The following TTC12 variants were observed in gnomAD, a reference collection of about 807,000 sequenced individuals.
The protein encoded by TTC12 is tetratricopeptide repeat protein 12.
Under a neutral mutation model 90.1 loss-of-function variants are expected in TTC12, and 70 were observed. The ratio of observed to expected loss-of-function variants is 0.78; its 90% confidence interval spans 0.64 to 0.95. TTC12 has a LOEUF of 0.95. Among genes scored for constraint, TTC12 ranks in the 40% least tolerant of loss-of-function variants. The pLI, the probability that TTC12 is intolerant of heterozygous loss-of-function variation, is 0.00. For synonymous variants in TTC12, 296 were observed against 311.5 expected (o/e 0.95, Z 0.53); for missense variants, 819 against 846.1 (o/e 0.97, Z 0.40).
intron 19 of TTC12, 79 bp from the exon 20 acceptor site, chr11:113,363,746 TATA>T (rs1447438519): frequency 8.5e-6 from 8 of 937,918 alleles, no homozygotes; most frequent in African/African-American, 1.6e-5. Flanking sequence ...CCACTAGCGC[TATA>T]ATAACTGCTT....
At chr11:113,319,752 A>T (rs956160712) in intron 2 of TTC12, among the ~76,000 whole-genome samples, 6 of 152,080 alleles carry the variant, frequency 3.9e-5, no homozygotes, top group Non-Finnish European at 8.8e-5. Context: ...TAATCAATGC[A>T]TGGAGGTTTT....
intron 8 of TTC12, among the ~76,000 whole-genome samples, chr11:113,337,130 T>G (rs1948415229): frequency 1.3e-5 from 2 of 152,232 alleles, no homozygotes; most frequent in African/African-American, 4.8e-5. Flanking sequence ...AAAGAAAATG[T>G]TAATCTTTCC....
At chr11:113,323,484 C>G in intron 3 of TTC12, 33 bp downstream of exon 3, 1 of 1,480,966 alleles carries the variant, frequency 6.8e-7, no homozygotes, top group South Asian at 1.5e-5. Context: ...TATATAAGTA[C>G]TTACAGTGAG....
chr11:113,372,146 C>T (rs988376602), intron 21 of TTC12, among the ~76,000 whole-genome samples: 9 of 152,178 alleles, frequency 5.9e-5, no homozygotes, highest in Admixed American at 1.3e-4. Flanking sequence ...CCGAGAGAAT[C>T]TAGATGGAAC....
rs748942612 is a variant in TTC12, at chr11:113,364,941, C to G, written c.1923C>G (p.Ser641=). The change falls in exon 21 of 22, where the codon TCC becomes TCG. Residue 641 remains serine, a synonymous_variant. Coordinates refer to ENST00000529221, the MANE Select transcript of TTC12 (RefSeq NM_017868.4). The part of the protein sequence containing the change: ...NCMEVPNVAS[S]LLKTDLLQVL... ...TGGAGGTGCCCAACGTTGCGTCTTC[C>G]CTGCTAAAGACGGACCTTTTGCAGG... 1 of 1,614,186 alleles carries G rather than the reference C, an allele frequency of 6.2e-7. No homozygotes were observed. The highest frequency in any genetic ancestry group is 1.7e-5 in the Admixed American group (1 of 60,028).
At position 113,357,925 on chromosome 11, in the gene TTC12, A is replaced by G. The variant is rs758468470; in HGVS notation, c.1447-1438A>G. ...CTTGTTCACTCATGCCAACAGCAGC[A>G]GAAGACCTGTGGCAGAGTGCTAGCA... On this transcript the variant is annotated intron_variant, in intron 16 of 21. Transcript: ENST00000529221. Among the ~76,000 whole-genome samples, 183 of 152,238 alleles carry G rather than the reference A, an allele frequency of 1.2e-3. 2 individuals carry two copies. Among genetic ancestry groups the G allele is most frequent in the Non-Finnish European group, 1.0e-3 (68 of 68,034 alleles).
chr11:113,331,593 G>T (rs892922234), intron 7 of TTC12, among the ~76,000 whole-genome samples: 1 of 152,188 alleles, frequency 6.6e-6, no homozygotes, highest in East Asian at 1.9e-4. Context: ...GGGTGTGGAT[G>T]TCATTCCCTT....
intron 15 of TTC12, among the ~76,000 whole-genome samples, chr11:113,351,706 T>A (rs968096034): frequency 3.9e-5 from 6 of 151,940 alleles, no homozygotes; most frequent in Non-Finnish European, 5.9e-5. Flanking sequence ...CCTTGGAGAG[T>A]GTGTTGCAAC....
At chr11:113,331,624 C>T (rs1393455200) in intron 7 of TTC12, among the ~76,000 whole-genome samples, 5 of 152,238 alleles carry the variant, frequency 3.3e-5, no homozygotes, top group African/African-American at 4.8e-5. Flanking sequence ...AACACGATCT[C>T]CTCACAGGTT....
chr11:113,351,676 G>C (rs960960064), intron 15 of TTC12, among the ~76,000 whole-genome samples: 1 of 152,250 alleles, frequency 6.6e-6, no homozygotes, highest in Non-Finnish European at 1.5e-5. Context: ...GCAGTGAATA[G>C]TGTGGGGGGC....
chr11:113,351,608 A>T (rs781963704), intron 15 of TTC12, among the ~76,000 whole-genome samples: 2 of 152,190 alleles, frequency 1.3e-5, no homozygotes, highest in Non-Finnish European at 2.9e-5. Context: ...GTGCAACCCT[A>T]TTCCCAGATG....
intron 11 of TTC12, chr11:113,341,609 C>T: frequency 3.7e-6 from 2 of 538,476 alleles, no homozygotes; most frequent in East Asian, 6.8e-5. Flanking sequence ...CGCCCATGGC[C>T]CTGGCTCACT....
At chr11:113,366,137 G>T in intron 21 of TTC12, 88 bp from the exon 22 acceptor site, 2 of 1,430,944 alleles carry the variant, frequency 1.4e-6, no homozygotes, top group Non-Finnish European at 1.9e-6. Flanking sequence ...TTCTCAGCCA[G>T]CTTCCATCTG....
At chr11:113,348,338 C>T (rs1555148845) in intron 13 of TTC12, among the ~76,000 whole-genome samples, 2 of 152,324 alleles carry the variant, frequency 1.3e-5, no homozygotes, top group Non-Finnish European at 2.9e-5. Flanking sequence ...GCTGCCAGCT[C>T]TTTCTCCTTA....
intron 21 of TTC12, among the ~76,000 whole-genome samples, chr11:113,371,756 C>G (rs1225500440): frequency 6.6e-6 from 1 of 152,164 alleles, no homozygotes; most frequent in African/African-American, 2.4e-5. Flanking sequence ...AATTTCATAA[C>G]CTCGCTTTAA....
At chr11:113,351,382 A>G in intron 15 of TTC12, 83 bp downstream of exon 15, 1 of 1,109,392 alleles carries the variant, frequency 9.0e-7, no homozygotes, top group Non-Finnish European at 1.4e-6. Flanking sequence ...TTTACAATCC[A>G]GAACAACTAT....
At chr11:113,319,559 T>TG (rs1305413968) in intron 2 of TTC12, among the ~76,000 whole-genome samples, 1 of 152,076 alleles carries the variant, frequency 6.6e-6, no homozygotes, top group Non-Finnish European at 1.5e-5. Context: ...AAATATTCTA[T>TG]GCAGTAAATA....
At chr11:113,360,579 G>A (rs1949873359) in intron 18 of TTC12, among the ~76,000 whole-genome samples, 1 of 152,174 alleles carries the variant, frequency 6.6e-6, no homozygotes, top group Admixed American at 6.5e-5. Flanking sequence ...AGTGCATCAG[G>A]AGAAGAATAT....
chr11:113,330,075 G>A (rs1947951953), intron 7 of TTC12, 96 bp downstream of exon 7: 1 of 949,932 alleles, frequency 1.1e-6, no homozygotes, highest in Non-Finnish European at 1.7e-6. Context: ...TATAGCCTCT[G>A]TAGCCAGAGC....
Sources: allele counts gnomAD v4.1 joint callset (sites outside exome capture counted in the v4.1 genomes callset), GRCh38; gene constraint gnomAD v4.1.1; transcripts MANE v1.5; gene names NCBI Gene and HGNC (gene_info 2026-07-23, HGNC 2026-07-21).